PRKCH: variants seen among roughly 807,000 people sequenced by gnomAD.
PRKCH encodes protein kinase C eta type.
Under a neutral mutation model 82.5 loss-of-function variants are expected in PRKCH, and 28 were observed. That is an observed-to-expected ratio of 0.34 (90% CI 0.25 to 0.47). PRKCH has a LOEUF of 0.47. Among genes scored for constraint, PRKCH ranks in the 20% least tolerant of loss-of-function variants. PRKCH has a pLI of 1.00. For synonymous variants in PRKCH, 322 were observed against 327.4 expected, an observed-to-expected ratio of 0.98 and a Z score of 0.18; for missense variants, 705 against 881.8, an observed-to-expected ratio of 0.80 and a Z score of 2.54.
intron 9 of PRKCH, among the ~76,000 whole-genome samples, chr14:61,472,538 T>A (rs1429456231): frequency 6.6e-6 from 1 of 152,192 alleles, no homozygotes; most frequent in Non-Finnish European, 1.5e-5. Flanking sequence ...GCTGGCTTTT[T>A]TTCTTTTGTT....
intron 9 of PRKCH, among the ~76,000 whole-genome samples, chr14:61,467,514 A>G (rs546903703): frequency 2.0e-5 from 3 of 152,364 alleles, no homozygotes; most frequent in African/African-American, 4.8e-5. Flanking sequence ...CAGACCCTAC[A>G]GTGGCATTAC....
intron 1 of PRKCH, among the ~76,000 whole-genome samples, chr14:61,266,599 T>A (rs2045103678): frequency 6.6e-6 from 1 of 152,206 alleles, no homozygotes; most frequent in African/African-American, 2.4e-5. Flanking sequence ...AGCCTCCGAA[T>A]CAGTGGCTTG....
chr14:61,191,150 A>G (rs1411048206), intron 1 of PRKCH, among the ~76,000 whole-genome samples: 2 of 152,154 alleles, frequency 1.3e-5, no homozygotes, highest in Non-Finnish European at 2.9e-5. Context: ...AAGAGAGAAA[A>G]TCTGACTTCT....
At chr14:61,199,706 G>A (rs1163253897) in intron 1 of PRKCH, among the ~76,000 whole-genome samples, 1 of 151,966 alleles carries the variant, frequency 6.6e-6, no homozygotes, top group African/African-American at 2.4e-5. Flanking sequence ...CATTCGCATT[G>A]TTGGAAAGCG....
intron 1 of PRKCH, among the ~76,000 whole-genome samples, chr14:61,220,254 G>A (rs184633293): frequency 3.9e-5 from 6 of 152,288 alleles, no homozygotes; most frequent in East Asian, 3.9e-4. Flanking sequence ...CCTCTGTCAG[G>A]GAGCACAGTC....
chr14:61,485,770 C>T (rs938344330), intron 10 of PRKCH, 114 bp downstream of exon 10: 1 of 1,375,166 alleles, frequency 7.3e-7, no homozygotes, highest in African/African-American at 1.5e-5. Context: ...GAATTAAATT[C>T]ACAGAAGTTT....
At chr14:61,282,361 C>T (rs1377939983) in intron 1 of PRKCH, among the ~76,000 whole-genome samples, 1 of 150,652 alleles carries the variant, frequency 6.6e-6, no homozygotes, top group Non-Finnish European at 1.5e-5. Flanking sequence ...TAAATCTTCC[C>T]TAGGTATTGT....
chr14:61,326,275 A>G (rs751560469), intron 1 of PRKCH, among the ~76,000 whole-genome samples: 3 of 152,382 alleles, frequency 2.0e-5, no homozygotes, highest in East Asian at 1.9e-4. Flanking sequence ...AAGATGAACT[A>G]TTACACATGT....
intron 10 of PRKCH, among the ~76,000 whole-genome samples, chr14:61,506,280 C>G (rs957948377): frequency 6.6e-6 from 1 of 152,168 alleles, no homozygotes; most frequent in African/African-American, 2.4e-5. Flanking sequence ...GGAATACTCT[C>G]TTTTGTCATG....
At chr14:61,486,330 G>C (rs1296786750) in intron 10 of PRKCH, among the ~76,000 whole-genome samples, 1 of 152,142 alleles carries the variant, frequency 6.6e-6, no homozygotes, top group East Asian at 1.9e-4. Context: ...CACCAGTCAG[G>C]AGCTAGGTGA....
intron 1 of PRKCH, among the ~76,000 whole-genome samples, chr14:61,323,433 A>C (rs1013881471): frequency 2.1e-4 from 32 of 152,234 alleles, no homozygotes; most frequent in African/African-American, 7.7e-4. Context: ...CTGGTTTGGC[A>C]AAGTGGAGTA....
chr14:61,450,713 A>G, intron 5 of PRKCH, 129 bp from the exon 6 acceptor site: 10 of 1,076,548 alleles, frequency 9.3e-6, no homozygotes, highest in Non-Finnish European at 1.3e-5. Flanking sequence ...AGGGCTGAGT[A>G]CAGTAAAATA....
In PRKCH at chr14:61,262,518, A is replaced by G. The variant is rs143711171; in HGVS notation, c.-19+74850A>G. Among the ~76,000 whole-genome samples, 244 of 152,314 alleles carry G rather than the reference A, an allele frequency of 1.6e-3. 1 individual carries two copies. Among genetic ancestry groups the G allele is most frequent in the African/African-American group, 5.5e-3 (228 of 41,562 alleles). ...TAGTGAGAGATGTCAGAAGTCAGAAAGAAGTCACCTTTGGCAAAGGGATAA... is the reference window on the plus strand; with the variant it reads ...TAGTGAGAGATGTCAGAAGTCAGAAGGAAGTCACCTTTGGCAAAGGGATAA... On this transcript the variant is annotated intron_variant, in intron 1 of 3. Transcript: ENST00000555185.
intron 10 of PRKCH, among the ~76,000 whole-genome samples, chr14:61,513,553 A>G (rs1191816419): frequency 3.3e-5 from 5 of 152,276 alleles, no homozygotes; most frequent in South Asian, 2.1e-4. Context: ...TGATAAATCA[A>G]TGTGTTTTAA....
chr14:61,240,520 G>A (rs2044827968), intron 1 of PRKCH, among the ~76,000 whole-genome samples: 1 of 152,176 alleles, frequency 6.6e-6, no homozygotes, highest in South Asian at 2.1e-4. Context: ...AGGACTGCCA[G>A]TTGGGTGGAC....
At chr14:61,320,951 G>A (rs2045610880), upstream of PRKCH, among the ~76,000 whole-genome samples, 1 of 152,202 alleles carries the variant, frequency 6.6e-6, no homozygotes, top group Admixed American at 6.5e-5. Flanking sequence ...TCTGTCTCCA[G>A]AAGAACCGAC....
chr14:61,258,529 C>T (rs553354715), intron 1 of PRKCH, among the ~76,000 whole-genome samples: 8 of 152,036 alleles, frequency 5.3e-5, no homozygotes, highest in Admixed American at 3.9e-4. Flanking sequence ...GCAGACATAC[C>T]CACCCAGTGC....
At chr14:61,466,149 A>T (rs746926055) in intron 9 of PRKCH, among the ~76,000 whole-genome samples, 1 of 152,202 alleles carries the variant, frequency 6.6e-6, no homozygotes, top group Non-Finnish European at 1.5e-5. Context: ...CCAGTAAGCT[A>T]TCAGGGACTG....
intron 1 of PRKCH, among the ~76,000 whole-genome samples, chr14:61,197,812 G>A (rs12879559): frequency 0.31 from 47,516 of 151,934 alleles, 8,861 homozygotes; most frequent in East Asian, 0.45. Context: ...AAAGGTGATC[G>A]GAAACAAAAG....
Sources: gnomAD v4.1 joint callset for allele counts (sites outside exome capture counted in the v4.1 genomes callset) on GRCh38, gnomAD v4.1.1 for gene constraint, MANE v1.5 for transcripts, NCBI Gene and HGNC (gene_info 2026-07-23, HGNC 2026-07-21) for gene names.